The following MGA variants were observed in gnomAD, a reference collection of about 807,000 sequenced individuals.
The protein encoded by MGA is MAX dimerization protein MGA.
MGA carries 40 observed loss-of-function variants against 261.1 expected under a neutral mutation model. The observed-to-expected ratio is 0.15, with a 90% CI of 0.12 to 0.20. The LOEUF (loss-of-function observed/expected upper bound fraction) is 0.20, where lower values mean the gene tolerates loss of function less well. MGA is among the 10% of genes least tolerant of loss of function. The probability of loss-of-function intolerance (pLI) is 1.00; values close to 1 mark genes in which losing one functional copy is unlikely to be tolerated. For synonymous variants in MGA, 1,302 were observed against 1,290.6 expected, an observed-to-expected ratio of 1.01 and a Z score of -0.19; for missense variants, 3,397 against 3,630.5, an observed-to-expected ratio of 0.94 and a Z score of 1.65.
At chr15:41,648,764 A>C (rs1239618304) in intron 1 of MGA, among the ~76,000 whole-genome samples, 2 of 152,194 alleles carry the variant, frequency 1.3e-5, no homozygotes, top group Non-Finnish European at 2.9e-5. Flanking sequence ...TGTAGGCCAT[A>C]CTAAGGATGT....
chr15:41,626,454 C>G (rs888975308), intron 1 of MGA, among the ~76,000 whole-genome samples: 14 of 151,840 alleles, frequency 9.2e-5, no homozygotes, highest in Admixed American at 3.3e-4. Context: ...CGGAGTTTTA[C>G]TCTTGTTGCC....
At position 41,757,649 on chromosome 15, in the gene MGA, C is replaced by T. The variant is rs564490688; in HGVS notation, c.7140-139C>T. 1.4e-4 allele frequency: 76 copies of T among 529,122 alleles called. 1 individual carries two copies. The Middle Eastern group carries it at 2.7e-3, about 19-fold the overall frequency. 32.8% of individuals were successfully genotyped at this position (529,122 alleles called of 1,614,324 possible). A position where few individuals can be genotyped will look rare whatever the true frequency, so the allele number is the denominator to read the frequency against. On this transcript the variant is annotated intron_variant, in intron 18 of 23. Transcript: ENST00000219905. ...CACTTTTAGAGAAAATATATAATGT[C>T]AAGTAAATAATGTGGCCATATATCA...
intron 1 of MGA, among the ~76,000 whole-genome samples, chr15:41,646,674 T>C (rs1176528769): frequency 6.6e-6 from 1 of 151,634 alleles, no homozygotes; most frequent in Non-Finnish European, 1.5e-5. Flanking sequence ...CATGCCGCTG[T>C]ACTCCAGCCT....
chr15:41,654,422 G>A (rs11632100), intron 1 of MGA, among the ~76,000 whole-genome samples: 112,590 of 151,970 alleles, frequency 0.74, 43,312 homozygotes, highest in East Asian at 0.89. Flanking sequence ...GTTTTGTAAG[G>A]TAAATTTTGT....
intron 2 of MGA, among the ~76,000 whole-genome samples, chr15:41,689,899 A>T (rs2059177693): frequency 6.6e-6 from 1 of 152,084 alleles, no homozygotes; most frequent in African/African-American, 2.4e-5. Flanking sequence ...TTTTTTAAAA[A>T]CTTTAAAAAT....
At position 41,756,980 on chromosome 15, in the gene MGA, G is replaced by T. The variant is rs1595997304; in HGVS notation, c.7140-808G>T. Among the ~76,000 whole-genome samples the T allele has an allele frequency of 4.0e-5, 6 of 149,904 alleles. No homozygotes were observed. The South Asian group carries it at 8.4e-4, about 21-fold the overall frequency. On this transcript the variant is annotated intron_variant, in intron 18 of 23. Transcript: ENST00000219905. ...TTTAAAGTGGTACTTTTTTTGTTTAGATATATATATATATATTTCTAGTAA... is the reference window on the plus strand; with the variant it reads ...TTTAAAGTGGTACTTTTTTTGTTTATATATATATATATATATTTCTAGTAA...
In MGA at chr15:41,730,741, T is replaced by C. The variant is rs146992409; in HGVS notation, c.3843+1392T>C. On this transcript the variant is annotated intron_variant, in intron 11 of 23. Coordinates refer to ENST00000219905, the MANE Select transcript of MGA (RefSeq NM_001164273.2). ...AAACACTTCCTCTTTTAGTCCGTTA[T>C]ATGCTTTGCATAATCTTGTGTGGTA... 1.4e-3 allele frequency among the ~76,000 whole-genome samples: 206 copies of C among 152,362 alleles called. 1 individual carries two copies. The highest frequency in any genetic ancestry group is 4.7e-3 in the African/African-American group (196 of 41,602).
chr15:41,730,038 G>A (rs1391035494), intron 11 of MGA, among the ~76,000 whole-genome samples: 1 of 151,948 alleles, frequency 6.6e-6, no homozygotes, highest in African/African-American at 2.4e-5. Context: ...GATTACAGGT[G>A]CCTGCCACCA....
chr15:41,668,124 C>T (rs1014364011), intron 1 of MGA, among the ~76,000 whole-genome samples: 7 of 149,014 alleles, frequency 4.7e-5, no homozygotes, highest in Admixed American at 3.4e-4. Context: ...TTAAATTTAT[C>T]ACTTTTTTTT....
chr15:41,716,343 A>C (rs984069866), intron 9 of MGA, among the ~76,000 whole-genome samples: 1 of 151,734 alleles, frequency 6.6e-6, no homozygotes, highest in Non-Finnish European at 1.5e-5. Context: ...AGTCCCAGCT[A>C]CTCCGGAGGC....
intron 2 of MGA, among the ~76,000 whole-genome samples, chr15:41,682,086 T>G (rs918545217): frequency 2.0e-5 from 3 of 151,972 alleles, no homozygotes; most frequent in African/African-American, 7.3e-5. Flanking sequence ...CCCGGCTAAT[T>G]TTGTATTTTT....
chr15:41,722,381 G>A (rs749412964), intron 9 of MGA, among the ~76,000 whole-genome samples: 11 of 151,958 alleles, frequency 7.2e-5, no homozygotes, highest in African/African-American at 1.7e-4. Context: ...CGCCTGCCTC[G>A]GCCTCCCAAA....
At chr15:41,689,016 T>G (rs921172680) in intron 2 of MGA, among the ~76,000 whole-genome samples, 3 of 152,184 alleles carry the variant, frequency 2.0e-5, no homozygotes, top group African/African-American at 7.2e-5. Flanking sequence ...AAACCTCTTT[T>G]AACCCTAATT....
intron 2 of MGA, among the ~76,000 whole-genome samples, chr15:41,692,178 T>G (rs924740691): frequency 6.6e-6 from 1 of 152,192 alleles, no homozygotes; most frequent in East Asian, 1.9e-4. Context: ...TTAGTAAATT[T>G]CAGCTCACCT....
chr15:41,686,401 C>T (rs1326473903), intron 2 of MGA, among the ~76,000 whole-genome samples: 1 of 152,064 alleles, frequency 6.6e-6, no homozygotes, highest in Non-Finnish European at 1.5e-5. Context: ...CATGGTGGCA[C>T]ACACCTGTAG....
At chr15:41,644,106 T>A (rs1364042799) in intron 1 of MGA, among the ~76,000 whole-genome samples, 1 of 152,056 alleles carries the variant, frequency 6.6e-6, no homozygotes, top group African/African-American at 2.4e-5. Context: ...CAGTACCATT[T>A]TTTCATCCTC....
intron 2 of MGA, among the ~76,000 whole-genome samples, chr15:41,682,876 T>C (rs1180199476): frequency 6.6e-6 from 1 of 152,218 alleles, no homozygotes; most frequent in Non-Finnish European, 1.5e-5. Flanking sequence ...GTAGTTTCTT[T>C]AGAAAGTATC....
At chr15:41,635,176 A>C (rs2150574831) in intron 1 of MGA, among the ~76,000 whole-genome samples, 1 of 151,984 alleles carries the variant, frequency 6.6e-6, no homozygotes, top group East Asian at 1.9e-4. Context: ...TCTACTAAAA[A>C]TACAAAAATT....
chr15:41,760,173 A>G (rs1250618349), intron 19 of MGA, 150 bp from the exon 20 acceptor site: 1 of 666,742 alleles, frequency 1.5e-6, no homozygotes, highest in Admixed American at 2.6e-5. Context: ...AAGGAAGGAT[A>G]GACTGGTAGT....
Sources: gnomAD v4.1 joint callset for allele counts (sites outside exome capture counted in the v4.1 genomes callset) on GRCh38, gnomAD v4.1.1 for gene constraint, MANE v1.5 for transcripts, NCBI Gene and HGNC (gene_info 2026-07-23, HGNC 2026-07-21) for gene names.